PTPRK: variants seen among roughly 807,000 people sequenced by gnomAD.
PTPRK encodes the protein receptor-type tyrosine-protein phosphatase kappa.
Under a neutral mutation model 178.0 loss-of-function variants are expected in PTPRK, and 75 were observed. The observed-to-expected ratio is 0.42, with a 90% CI of 0.35 to 0.51. The LOEUF (loss-of-function observed/expected upper bound fraction) is 0.51. Among genes scored for constraint, PTPRK ranks in the 20% least tolerant of loss-of-function variants. PTPRK has a pLI of 0.02. For synonymous variants in PTPRK, 637 were observed against 620.6 expected, an observed-to-expected ratio of 1.03 and a Z score of -0.39; for missense variants, 1,441 against 1,797.8, an observed-to-expected ratio of 0.80 and a Z score of 3.59.
At chr6:128,171,914 C>T (rs540352819) in intron 7 of PTPRK, among the ~76,000 whole-genome samples, 7 of 151,934 alleles carry the variant, frequency 4.6e-5, no homozygotes, top group Admixed American at 4.6e-4. Flanking sequence ...CCAAATTTGA[C>T]TCTCTTAGAG....
rs555346351 is a variant in PTPRK, at chr6:128,021,019, T to C, written c.2195-11751A>G. On this transcript the variant is annotated intron_variant, in intron 13 of 29. Coordinates refer to ENST00000368226, the MANE Select transcript of PTPRK (RefSeq NM_002844.4). Reference sequence around the variant, plus strand: ...GATGAACCAGATTTAAAAAATGATTTTAGTTGAGCTCTAGCTTTTCCAAGA... The same window carrying C: ...GATGAACCAGATTTAAAAAATGATTCTAGTTGAGCTCTAGCTTTTCCAAGA... 6.6e-5 allele frequency among the ~76,000 whole-genome samples: 10 copies of C among 152,324 alleles called. No homozygotes were observed. In the East Asian group the frequency reaches 1.9e-3, roughly 29 times the overall value.
chr6:128,197,587 C>T (rs1805118691), intron 6 of PTPRK, among the ~76,000 whole-genome samples: 1 of 152,044 alleles, frequency 6.6e-6, no homozygotes, highest in Middle Eastern at 3.4e-3. Flanking sequence ...ATATTTTCTT[C>T]TTTATAAAAC....
chr6:128,383,222 C>G (rs1045940414), intron 2 of PTPRK, among the ~76,000 whole-genome samples: 2 of 152,084 alleles, frequency 1.3e-5, no homozygotes, highest in African/African-American at 4.8e-5. Flanking sequence ...CAATAGCATC[C>G]TTAATAGCAA....
At chr6:128,224,605 C>T (rs779124523) in intron 5 of PTPRK, among the ~76,000 whole-genome samples, 9 of 152,162 alleles carry the variant, frequency 5.9e-5, no homozygotes, top group East Asian at 3.8e-4. Flanking sequence ...AGATATTACA[C>T]GTGGAGACAC....
intron 10 of PTPRK, among the ~76,000 whole-genome samples, chr6:128,081,590 CAAATGAACAA>C (rs1369299559): frequency 4.6e-5 from 7 of 151,770 alleles, no homozygotes; most frequent in Admixed American, 6.6e-5. Flanking sequence ...AAAATGAACA[CAAATGAACAA>C]AAAGAATTAA....
chr6:127,998,179 C>A (rs1037924924), intron 16 of PTPRK, among the ~76,000 whole-genome samples: 2 of 152,018 alleles, frequency 1.3e-5, no homozygotes, highest in African/African-American at 4.8e-5. Flanking sequence ...CTTCTTTTGG[C>A]TTCTCAGTGT....
At chr6:128,278,591 G>GA (rs35632152) in intron 3 of PTPRK, among the ~76,000 whole-genome samples, 4,236 of 152,128 alleles carry the variant, frequency 0.028, 90 homozygotes, top group Middle Eastern at 0.071. Context: ...CTCTATACTG[G>GA]AAAAAAATTG....
At chr6:128,184,291 T>C (rs549705549) in intron 7 of PTPRK, 141 bp downstream of exon 7, 2 of 872,634 alleles carry the variant, frequency 2.3e-6, no homozygotes. Context: ...ATCAAGGTGA[T>C]GATTTATGTA....
chr6:128,029,308 C>A (rs539174041), intron 13 of PTPRK, among the ~76,000 whole-genome samples: 2 of 152,026 alleles, frequency 1.3e-5, no homozygotes, highest in Non-Finnish European at 2.9e-5. Flanking sequence ...GCCAGCACTA[C>A]GCTTCCTCTA....
chr6:127,989,265 G>A (rs1348556170), intron 21 of PTPRK, among the ~76,000 whole-genome samples: 1 of 151,668 alleles, frequency 6.6e-6, no homozygotes, highest in Non-Finnish European at 1.5e-5. Context: ...AAGCTTAATG[G>A]TTCTTTCTGA....
At chr6:128,388,924 T>A (rs1381438151) in intron 2 of PTPRK, among the ~76,000 whole-genome samples, 1 of 152,156 alleles carries the variant, frequency 6.6e-6, no homozygotes, top group Non-Finnish European at 1.5e-5. Flanking sequence ...ACTTTCCTAT[T>A]TAATCTCCAA....
chr6:128,247,486 A>G (rs1815682136), intron 3 of PTPRK, among the ~76,000 whole-genome samples: 2 of 151,962 alleles, frequency 1.3e-5, no homozygotes, highest in African/African-American at 2.4e-5. Flanking sequence ...CGCCTGGCTA[A>G]TTTTTGTATT....
chr6:128,489,820 C>T (rs1853504861), intron 1 of PTPRK, among the ~76,000 whole-genome samples: 1 of 152,130 alleles, frequency 6.6e-6, no homozygotes, highest in South Asian at 2.1e-4. Flanking sequence ...TTTATAATTT[C>T]CCAGATCAAC....
chr6:128,301,209 G>C (rs941875679), intron 3 of PTPRK, among the ~76,000 whole-genome samples: 1 of 152,084 alleles, frequency 6.6e-6, no homozygotes, highest in African/African-American at 2.4e-5. Context: ...CAAAAATATA[G>C]CAATTTGTCC....
At chr6:127,999,535 T>C (rs1335845217) in intron 15 of PTPRK, among the ~76,000 whole-genome samples, 2 of 152,050 alleles carry the variant, frequency 1.3e-5, no homozygotes, top group Non-Finnish European at 2.9e-5. Flanking sequence ...ATTGTTTTTA[T>C]TGCAAATGTA....
intron 2 of PTPRK, among the ~76,000 whole-genome samples, chr6:128,391,119 AT>A (rs67692564): frequency 0.75 from 114,474 of 151,902 alleles, 44,661 homozygotes; most frequent in East Asian, 0.99. Flanking sequence ...AGAAAATATT[AT>A]TTTTTTAAAA....
intron 7 of PTPRK, among the ~76,000 whole-genome samples, chr6:128,184,075 TA>T (rs1159760321): frequency 4.6e-5 from 7 of 152,158 alleles, no homozygotes; most frequent in Non-Finnish European, 7.4e-5. Context: ...TTCCACGTAG[TA>T]AAAAAGTATT....
intron 1 of PTPRK, among the ~76,000 whole-genome samples, chr6:128,456,398 C>T (rs1584799581): frequency 6.6e-6 from 1 of 151,750 alleles, no homozygotes; most frequent in Non-Finnish European, 1.5e-5. Context: ...GTAGATTCAA[C>T]AAAATTTGTA....
chr6:128,232,513 A>G (rs1314550753), intron 5 of PTPRK, among the ~76,000 whole-genome samples: 1 of 152,214 alleles, frequency 6.6e-6, no homozygotes, highest in African/African-American at 2.4e-5. Flanking sequence ...AGCTCATTGT[A>G]GTTTTCAACA....
Sources: gnomAD v4.1 joint callset for allele counts (sites outside exome capture counted in the v4.1 genomes callset) on GRCh38, gnomAD v4.1.1 for gene constraint, MANE v1.5 for transcripts, NCBI Gene and HGNC (gene_info 2026-07-23, HGNC 2026-07-21) for gene names.